The following RCAN2 variants were observed in gnomAD, a reference collection of about 807,000 sequenced individuals.
RCAN2 encodes the protein regulator of calcineurin 2, also known as calcipressin-2.
In RCAN2, 9 loss-of-function variants were observed where a neutral mutation model predicts 23.6. The ratio of observed to expected loss-of-function variants is 0.38; its 90% CI spans 0.23 to 0.67. RCAN2 has a LOEUF of 0.67. RCAN2 is among the 30% of genes least tolerant of loss of function. RCAN2 has a pLI of 0.51. For missense variants in RCAN2, 273 were observed against 302.3 expected (o/e 0.90, Z 0.72); for synonymous variants, 109 against 115.7 (o/e 0.94, Z 0.37).
intron 2 of RCAN2, among the ~76,000 whole-genome samples, chr6:46,382,763 T>A (rs910930599): frequency 6.6e-6 from 1 of 152,216 alleles, no homozygotes; most frequent in African/African-American, 2.4e-5. Flanking sequence ...TAAATGTGGA[T>A]GAAAAGAATA....
chr6:46,296,954 T>C (rs1214249514), intron 2 of RCAN2, among the ~76,000 whole-genome samples: 1 of 152,136 alleles, frequency 6.6e-6, no homozygotes, highest in East Asian at 1.9e-4. Context: ...CCTGTCTCTT[T>C]CCATTATACC....
At chr6:46,282,397 A>C (rs1762218972) in intron 2 of RCAN2, among the ~76,000 whole-genome samples, 1 of 152,012 alleles carries the variant, frequency 6.6e-6, no homozygotes, top group African/African-American at 2.4e-5. Flanking sequence ...AAAAAAACAA[A>C]AAATTAGCCG....
intron 2 of RCAN2, among the ~76,000 whole-genome samples, chr6:46,423,798 A>G (rs1334423440): frequency 1.1e-4 from 16 of 152,208 alleles, no homozygotes; most frequent in Admixed American, 9.2e-4. Context: ...GCATAATCTG[A>G]TGATGCAGTA....
At chr6:46,339,085 G>T (rs1764227945) in intron 2 of RCAN2, among the ~76,000 whole-genome samples, 1 of 145,312 alleles carries the variant, frequency 6.9e-6, no homozygotes, top group Non-Finnish European at 1.5e-5. Context: ...CCCACTATCA[G>T]TCCATCCATC....
At chr6:46,243,687 G>A (rs1434572235) in intron 4 of RCAN2, among the ~76,000 whole-genome samples, 1 of 151,882 alleles carries the variant, frequency 6.6e-6, no homozygotes, top group Non-Finnish European at 1.5e-5. Flanking sequence ...GCATGCGCCT[G>A]TAGTCCCAGC....
intron 2 of RCAN2, among the ~76,000 whole-genome samples, chr6:46,269,228 T>C (rs1767442438): frequency 6.6e-6 from 1 of 152,230 alleles, no homozygotes; most frequent in Non-Finnish European, 1.5e-5. Context: ...ATATTTTCCA[T>C]CTCTTTGTCT....
chr6:46,385,904 A>T (rs1765732249), intron 2 of RCAN2, among the ~76,000 whole-genome samples: 1 of 151,726 alleles, frequency 6.6e-6, no homozygotes, highest in Non-Finnish European at 1.5e-5. Flanking sequence ...ATAAAACCCA[A>T]AACCATAAAA....
chr6:46,293,379 A>T (rs1762628173), intron 2 of RCAN2, among the ~76,000 whole-genome samples: 1 of 152,212 alleles, frequency 6.6e-6, no homozygotes, highest in African/African-American at 2.4e-5. Context: ...TATCAAATTC[A>T]TGCCAAAGAA....
At chr6:46,224,967 G>A (rs1220971756) in intron 4 of RCAN2, among the ~76,000 whole-genome samples, 1 of 136,464 alleles carries the variant, frequency 7.3e-6, no homozygotes, top group Non-Finnish European at 1.6e-5. Flanking sequence ...AGTGTGTGAT[G>A]TTCCCCACCC....
At chr6:46,445,881 T>C (rs1482735663) in intron 2 of RCAN2, among the ~76,000 whole-genome samples, 1 of 152,086 alleles carries the variant, frequency 6.6e-6, no homozygotes, top group African/African-American at 2.4e-5. Flanking sequence ...GACGAAAATA[T>C]TAAAGTGAAT....
chr6:46,448,163 T>C (rs1435990778), intron 2 of RCAN2, among the ~76,000 whole-genome samples: 2 of 151,868 alleles, frequency 1.3e-5, no homozygotes, highest in East Asian at 3.9e-4. Flanking sequence ...ATAGAACTGA[T>C]ACCACAAGAA....
At chr6:46,246,596 TC>T in intron 4 of RCAN2, 151 bp downstream of exon 4, 1 of 665,400 alleles carries the variant, frequency 1.5e-6, no homozygotes. Flanking sequence ...TGCATTCTCA[TC>T]CATCATTCCC....
At chr6:46,326,635 T>G (rs1008092067) in intron 2 of RCAN2, among the ~76,000 whole-genome samples, 6 of 152,224 alleles carry the variant, frequency 3.9e-5, no homozygotes, top group African/African-American at 1.2e-4. Context: ...GTTTTTTATT[T>G]TATCATTAGT....
intron 4 of RCAN2, among the ~76,000 whole-genome samples, chr6:46,235,774 C>T (rs563032739): frequency 6.6e-6 from 1 of 152,290 alleles, no homozygotes; most frequent in East Asian, 1.9e-4. Context: ...CCTACACACC[C>T]CTTGTTATAA....
chr6:46,257,757 T>C (rs1054364435), intron 2 of RCAN2, among the ~76,000 whole-genome samples: 1 of 152,130 alleles, frequency 6.6e-6, no homozygotes, highest in Non-Finnish European at 1.5e-5. Context: ...CCATATTACC[T>C]AGAAAGCAAC....
intron 2 of RCAN2, among the ~76,000 whole-genome samples, chr6:46,267,847 GA>G (rs1209490799): frequency 6.6e-6 from 1 of 152,004 alleles, no homozygotes; most frequent in Non-Finnish European, 1.5e-5. Flanking sequence ...TCTGTCTTAA[GA>G]AAATCAGAAG....
intron 2 of RCAN2, among the ~76,000 whole-genome samples, chr6:46,429,008 C>T (rs1767113514): frequency 6.6e-6 from 1 of 152,098 alleles, no homozygotes; most frequent in South Asian, 2.1e-4. Context: ...AGGTAGATGA[C>T]CTCAGCCTCA....
At chr6:46,357,694 C>T (rs1297846107) in intron 2 of RCAN2, among the ~76,000 whole-genome samples, 1 of 152,158 alleles carries the variant, frequency 6.6e-6, no homozygotes, top group Non-Finnish European at 1.5e-5. Flanking sequence ...AGGGTTGACA[C>T]AGTCAAGGTC....
intron 1 of RCAN2, among the ~76,000 whole-genome samples, chr6:46,482,389 AC>A (rs1768886701): frequency 6.6e-6 from 1 of 152,140 alleles, no homozygotes; most frequent in Non-Finnish European, 1.5e-5. Context: ...AAGAATGAAA[AC>A]AGGCTAAAGG....
Sources: gnomAD v4.1 joint callset for allele counts (sites outside exome capture counted in the v4.1 genomes callset) on GRCh38, gnomAD v4.1.1 for gene constraint, MANE v1.5 for transcripts, NCBI Gene and HGNC (gene_info 2026-07-23, HGNC 2026-07-21) for gene names.